The following PHTF2 variants were observed in gnomAD, a reference collection of about 807,000 sequenced individuals.
PHTF2 encodes protein PHTF2.
In PHTF2, 60 loss-of-function variants were observed where a neutral mutation model predicts 101.2. The ratio of observed to expected loss-of-function variants is 0.59; its 90% confidence interval spans 0.48 to 0.73. The LOEUF (loss-of-function observed/expected upper bound fraction) is 0.73. PHTF2 is among the 30% of genes least tolerant of loss of function. The probability of loss-of-function intolerance (pLI) is 0.00; values close to 1 mark genes in which losing one functional copy is unlikely to be tolerated. For missense variants in PHTF2, 747 were observed against 908.7 expected (o/e 0.82, Z 2.29); for synonymous variants, 311 against 307.3 (o/e 1.01, Z -0.13).
intron 3 of PHTF2, among the ~76,000 whole-genome samples, chr7:77,860,255 CAT>C (rs768736844): frequency 6.6e-6 from 1 of 152,146 alleles, no homozygotes; most frequent in Non-Finnish European, 1.5e-5. Flanking sequence ...GTTGAGTCGA[CAT>C]GTGCAGTTTA....
At chr7:77,832,852 A>G (rs1795174760) in intron 1 of PHTF2, among the ~76,000 whole-genome samples, 2 of 152,208 alleles carry the variant, frequency 1.3e-5, no homozygotes, top group South Asian at 4.2e-4. Context: ...CAATAAATGT[A>G]ATGCTCTCGA....
intron 3 of PHTF2, among the ~76,000 whole-genome samples, chr7:77,887,236 G>A (rs763936600): frequency 2.0e-4 from 30 of 151,960 alleles, no homozygotes; most frequent in Non-Finnish European, 3.7e-4. Flanking sequence ...TTTACAGCAT[G>A]TATAAAGTGT....
intron 10 of PHTF2, among the ~76,000 whole-genome samples, chr7:77,920,794 A>G (rs551281622): frequency 6.4e-4 from 97 of 151,852 alleles, no homozygotes; most frequent in Non-Finnish European, 1.1e-3. Flanking sequence ...CGATCTTCCC[A>G]CCTCAGCCTC....
intron 1 of PHTF2, among the ~76,000 whole-genome samples, chr7:77,802,492 A>G (rs909993258): frequency 4.0e-5 from 6 of 151,280 alleles, no homozygotes; most frequent in Non-Finnish European, 8.8e-5. Context: ...TCCCCTTTGC[A>G]TATATTTTGA....
intron 5 of PHTF2, 87 bp downstream of exon 4, chr7:77,894,080 C>A: frequency 1.0e-6 from 1 of 1,001,312 alleles, no homozygotes; most frequent in Non-Finnish European, 1.6e-6. Context: ...GTGCTACTAA[C>A]AGATTGACTT....
At chr7:77,947,226 A>G (rs919123196) in intron 16 of PHTF2, among the ~76,000 whole-genome samples, 3 of 152,232 alleles carry the variant, frequency 2.0e-5, no homozygotes, top group Non-Finnish European at 2.9e-5. Flanking sequence ...GTAGGACCTT[A>G]TGGAGAAACA....
chr7:77,908,231 G>C (rs2150859467), intron 7 of PHTF2, among the ~76,000 whole-genome samples: 1 of 152,312 alleles, frequency 6.6e-6, no homozygotes, highest in South Asian at 2.1e-4. Flanking sequence ...CGAAGGTAAA[G>C]AGAGTTTATG....
intron 9 of PHTF2, among the ~76,000 whole-genome samples, chr7:77,919,139 A>G (rs1452157783): frequency 6.6e-6 from 1 of 152,228 alleles, no homozygotes. Context: ...AACTGACTGC[A>G]TGACCTTAAA....
intron 1 of PHTF2, among the ~76,000 whole-genome samples, chr7:77,819,114 C>T (rs920984516): frequency 2.6e-5 from 4 of 152,114 alleles, no homozygotes; most frequent in Non-Finnish European, 5.9e-5. Flanking sequence ...CTGATTTCAT[C>T]TATCAGTTCT....
intron 16 of PHTF2, 83 bp downstream of exon 15, chr7:77,942,869 A>G: frequency 1.4e-6 from 1 of 692,624 alleles, no homozygotes; most frequent in Non-Finnish European, 2.3e-6. Flanking sequence ...ATAATAATAT[A>G]AGTAAGCCTA....
intron 3 of PHTF2, among the ~76,000 whole-genome samples, chr7:77,867,246 A>G (rs1243239717): frequency 6.6e-6 from 1 of 152,212 alleles, no homozygotes; most frequent in African/African-American, 2.4e-5. Flanking sequence ...GTATATGACA[A>G]TGATTAGGGA....
intron 1 of PHTF2, among the ~76,000 whole-genome samples, chr7:77,837,636 A>G (rs1035365913): frequency 1.2e-4 from 18 of 152,186 alleles, no homozygotes; most frequent in African/African-American, 4.1e-4. Context: ...GACCCAAATA[A>G]ATACAGTTTA....
chr7:77,934,874 G>T (rs1206090404), intron 12 of PHTF2, among the ~76,000 whole-genome samples: 2 of 151,936 alleles, frequency 1.3e-5, no homozygotes, highest in African/African-American at 2.4e-5. Context: ...CATGAGCATT[G>T]CTTGAACCCG....
intron 1 of PHTF2, among the ~76,000 whole-genome samples, chr7:77,819,303 G>T (rs1204508531): frequency 6.6e-6 from 1 of 152,178 alleles, no homozygotes; most frequent in Non-Finnish European, 1.5e-5. Context: ...AGGCATCCTT[G>T]TCTTGTTCTA....
intron 1 of PHTF2, among the ~76,000 whole-genome samples, chr7:77,821,417 AAT>A (rs779928266): frequency 9.2e-5 from 14 of 152,042 alleles, no homozygotes; most frequent in Non-Finnish European, 1.6e-4. Context: ...TATTTCATTA[AAT>A]ATGTTTCCTT....
intron 2 of PHTF2, among the ~76,000 whole-genome samples, chr7:77,843,519 C>G (rs1562865942): frequency 6.6e-6 from 1 of 152,080 alleles, no homozygotes; most frequent in African/African-American, 2.4e-5. Context: ...GAGGGTTCCC[C>G]TCACTGGCTT....
chr7:77,895,213 T>C, intron 5 of PHTF2: 1 of 449,386 alleles, frequency 2.2e-6, no homozygotes, highest in South Asian at 1.6e-5. Context: ...TTGTATGTGA[T>C]ACATACATAC....
At chr7:77,931,296 C>T (rs1252895751) in intron 12 of PHTF2, among the ~76,000 whole-genome samples, 8 of 152,020 alleles carry the variant, frequency 5.3e-5, no homozygotes, top group Non-Finnish European at 1.0e-4. Context: ...AAACTTTGGG[C>T]GTGTTAAAAG....
chr7:77,902,380 TCA>T (rs1184568223), intron 7 of PHTF2, among the ~76,000 whole-genome samples: 1 of 152,194 alleles, frequency 6.6e-6, no homozygotes, highest in Non-Finnish European at 1.5e-5. Context: ...CATTTCATTC[TCA>T]CATCAACCTG....
Sources: gnomAD v4.1 joint callset for allele counts (sites outside exome capture counted in the v4.1 genomes callset) on GRCh38, gnomAD v4.1.1 for gene constraint, MANE v1.5 for transcripts, NCBI Gene and HGNC (gene_info 2026-07-23, HGNC 2026-07-21) for gene names.